RABGGTA: variants seen among roughly 807,000 people sequenced by gnomAD.
RABGGTA encodes geranylgeranyl transferase type-2 subunit alpha.
Under a neutral mutation model 83.3 loss-of-function variants are expected in RABGGTA, and 69 were observed. The ratio of observed to expected loss-of-function variants is 0.83; its 90% CI spans 0.68 to 1.01. RABGGTA has a LOEUF of 1.01. RABGGTA is among the 50% of genes least tolerant of loss of function. The probability of loss-of-function intolerance (pLI) is 0.00; values close to 1 mark genes in which losing one functional copy is unlikely to be tolerated. For synonymous variants in RABGGTA, 310 were observed against 299.8 expected, an observed-to-expected ratio of 1.03 and a Z score of -0.35; for missense variants, 681 against 712.7, an observed-to-expected ratio of 0.96 and a Z score of 0.51.
intron 10 of RABGGTA, 33 bp downstream of exon 10, chr14:24,268,481 G>A: frequency 6.2e-7 from 1 of 1,613,402 alleles, no homozygotes; most frequent in Non-Finnish European, 8.5e-7. Flanking sequence ...GATGGGGGCT[G>A]CTGCAAGGGG....
chr14:24,270,789 T>C (rs765602095), intron 3 of RABGGTA, 48 bp downstream of exon 3: 13 of 1,590,130 alleles, frequency 8.2e-6, no homozygotes, highest in Non-Finnish European at 1.1e-5. Context: ...GCCTCTGCAC[T>C]ATACTAAGGG....
Position 24,268,201 on chromosome 14 carries a change from G to A in RABGGTA, c.1059-3C>T. 1.3e-6 allele frequency: 2 copies of A among 1,593,774 alleles called. No individual in the cohort carries two copies. Among genetic ancestry groups the A allele is most frequent in the Non-Finnish European group, 1.7e-6 (2 of 1,162,130 alleles). ...ACTTCTCCACTGACAGCTCACACCT[G>A]AGGGTGGGCAGGGTGGGGAGGAGTT... On this transcript the variant is annotated splice_polypyrimidine_tract_variant and splice_region_variant and intron_variant, in intron 11 of 16. Transcript: ENST00000216840.
chr14:24,265,580 A>G lies in RABGGTA; in HGVS notation c.*35T>C, dbSNP rs781104186. ...CCTCTCCATTCTTTATTCAGTCCCA[A>G]TAAGTTAAAGGGCAAGGGTAGGGGG... On this transcript the variant is annotated 3_prime_UTR_variant, in exon 17 of 17. Transcript: ENST00000216840. The G allele has an allele frequency of 1.1e-5, 17 of 1,602,706 alleles. No individual in the cohort carries two copies. The highest frequency in any genetic ancestry group is 5.1e-5 in the Admixed American group (3 of 59,278).
chr14:24,266,117 G>A (rs1037398223), intron 16 of RABGGTA, among the ~76,000 whole-genome samples: 5 of 152,202 alleles, frequency 3.3e-5, no homozygotes, highest in South Asian at 2.1e-4. Context: ...ATTTTTAAGA[G>A]AGGAATTAGA....
chr14:24,266,549 G>A (rs904456556), intron 15 of RABGGTA, 32 bp from the exon 16 acceptor site: 5 of 1,598,414 alleles, frequency 3.1e-6, no homozygotes, highest in African/African-American at 2.7e-5. Flanking sequence ...AGGCAGGACA[G>A]GCGCTGTCAG....
intron 5 of RABGGTA, 59 bp downstream of exon 5, chr14:24,269,894 C>T (rs1446757242): frequency 1.1e-5 from 17 of 1,577,818 alleles, no homozygotes; most frequent in Non-Finnish European, 1.4e-5. Context: ...CTTACTGAGG[C>T]CCCAGTACCA....
Position 24,268,904 on chromosome 14 carries a change from GACTC to G in RABGGTA, c.798+3_798+6del, listed in dbSNP as rs1197041771. On this transcript the variant is annotated splice_donor_5th_base_variant and intron_variant, in intron 8 of 16. Transcript: ENST00000216840. The stretch of plus-strand genomic sequence containing the variant: ...ACAGTGCTCTTGACAAAAGCTGCAG[GACTC>G]ACTAAGAGGGGCCGAGAGAAGGAGA... The G allele has an allele frequency of 2.5e-6, 4 of 1,582,696 alleles. No individual in the cohort carries two copies. Among genetic ancestry groups the G allele is most frequent in the Non-Finnish European group, 3.4e-6 (4 of 1,164,212 alleles).
At chr14:24,269,319 C>T in intron 6 of RABGGTA, 156 bp from the exon 7 acceptor site, 1 of 1,046,388 alleles carries the variant, frequency 9.6e-7, no homozygotes, top group Non-Finnish European at 1.4e-6. Flanking sequence ...TTATCTTCCC[C>T]ATCAGACACT....
At chr14:24,268,854 C>T (rs1245163169) in intron 8 of RABGGTA, 28 bp from the exon 9 acceptor site, 2 of 1,565,106 alleles carry the variant, frequency 1.3e-6, no homozygotes, top group African/African-American at 1.4e-5. Context: ...GACTTCAGCC[C>T]CATCAGCACC....
chr14:24,266,351 C>A lies in RABGGTA; in HGVS notation c.1555+79G>T, dbSNP rs910745932. The A allele has an allele frequency of 3.0e-5, 40 of 1,345,192 alleles. 1 individual carries two copies. The Middle Eastern group carries it at 7.2e-4, about 24-fold the overall frequency. 83.3% of individuals were successfully genotyped at this position (1,345,192 alleles called of 1,614,324 possible). A position where few individuals can be genotyped will look rare whatever the true frequency, so the allele number is the denominator to read the frequency against. On this transcript the variant is annotated intron_variant, in intron 16 of 16. Transcript: ENST00000216840. ...CTGCCCTGCAAGAGGGTGGCACATA[C>A]CCTGCCTGCTGTCTGTCCCTTCCCA...
intron 3 of RABGGTA, 108 bp from the exon 4 acceptor site, chr14:24,270,566 C>G (rs1287758784): frequency 7.1e-7 from 1 of 1,410,968 alleles, no homozygotes; most frequent in Non-Finnish European, 9.8e-7. Context: ...CATTATACAA[C>G]AGGTACTATG....
At position 24,270,059 on chromosome 14, in the gene RABGGTA, A is replaced by G. The variant is rs911047708; in HGVS notation, c.321T>C (p.Tyr107=). Residue 107 remains tyrosine, a synonymous_variant, in exon 5 of 17, where the codon TAT becomes TAC. Coordinates refer to ENST00000216840, the MANE Select transcript of RABGGTA (RefSeq NM_182836.3). ...GCCAGCATCGGTGGTGCCAGGTACC[A>G]TAAGACTTGGGGTTCACCCGCAGGC... ...ESCLRVNPKS[Y]GTWHHRCWLL... The G allele has an allele frequency of 6.8e-6, 11 of 1,612,602 alleles. No individual in the cohort carries two copies. The highest frequency in any genetic ancestry group is 1.6e-4 in the Middle Eastern group (1 of 6,082).
At chr14:24,266,135 A>G (rs1368812181) in intron 16 of RABGGTA, among the ~76,000 whole-genome samples, 1 of 152,228 alleles carries the variant, frequency 6.6e-6, no homozygotes, top group Non-Finnish European at 1.5e-5. Context: ...AGAACTCTAG[A>G]TGTTTTTTAA....
chr14:24,268,570 G>C lies in RABGGTA; in HGVS notation c.950C>G (p.Thr317Arg), dbSNP rs776966441. Residue 317 changes from threonine (T) to arginine (R), a missense_variant, in exon 10 of 17, where the codon ACA (threonine) becomes AGA (arginine). Around this residue, in one of 5 missense-constraint regions of RABGGTA, gnomAD observed 421 missense variants for 418.5 expected, o/e 1.01. Transcript: ENST00000216840. ...GCCTGCTGTCCAAATGACGCGAAATGTATGTTGGGGCAACTGGTCGTTGAG... is the reference window on the plus strand; with the variant it reads ...GCCTGCTGTCCAAATGACGCGAAATCTATGTTGGGGCAACTGGTCGTTGAG... ...ASLNDQLPQH[T>R]FRVIWTAGDV... 6 of 1,613,930 alleles carry C rather than the reference G, an allele frequency of 3.7e-6. No homozygotes were observed. Among genetic ancestry groups the C allele is most frequent in the Admixed American group, 3.3e-5 (2 of 60,000 alleles).
In RABGGTA at chr14:24,266,906, G is replaced by C; in HGVS notation, c.1354-17C>G. 6.3e-7 allele frequency: 1 copy of C among 1,590,740 alleles called. No individual in the cohort carries two copies. The highest frequency in any genetic ancestry group is 1.7e-4 in the Middle Eastern group (1 of 5,906). ...TGTCAGATCCTGGGGGGTGAAGGGA[G>C]GAAGGAGGTGATGGGCTTCCCAGGA... On this transcript the variant is annotated splice_polypyrimidine_tract_variant and intron_variant, in intron 14 of 16. Transcript: ENST00000216840.
Position 24,269,681 on chromosome 14 carries a change from G to C in RABGGTA, c.441C>G (p.Asp147Glu). Residue 147 changes from aspartate (D) to glutamate (E), a missense_variant, in exon 6 of 17, where the codon GAC becomes GAG. Asp to Glu is a conservative substitution (Grantham distance 45). Coordinates refer to ENST00000216840, the MANE Select transcript of RABGGTA (RefSeq NM_182836.3). The stretch of plus-strand genomic sequence containing the variant: ...CCTGTGTGGCCACAAACCGCCGATA[G>C]TCCCAGCAGTGAACTGGAGGGGAGA... The part of the protein sequence containing the change: ...EVDERNFHCW[D>E]YRRFVATQAA... 6.2e-7 allele frequency: 1 copy of C among 1,613,968 alleles called. No individual in the cohort carries two copies. The highest frequency in any genetic ancestry group is 8.5e-7 in the Non-Finnish European group (1 of 1,179,852).
In RABGGTA at chr14:24,267,662, T is replaced by C; in HGVS notation, c.1351A>G (p.Lys451Glu). ...AEVRVLHLAH[K>E]DLTVLCHLEQ... Reference sequence around the variant, plus strand: ...AAGGCATGCATGGCAGCCCATACCTTGTGAGCCAGGTGCAGCACACGCACC... The same window carrying C: ...AAGGCATGCATGGCAGCCCATACCTCGTGAGCCAGGTGCAGCACACGCACC... Residue 451 changes from lysine to glutamate, a missense_variant and splice_region_variant, in exon 14 of 17, where the codon AAG (lysine) becomes GAG (glutamate). Transcript: ENST00000216840. 1.9e-6 allele frequency: 3 copies of C among 1,609,810 alleles called. No individual in the cohort carries two copies. Among genetic ancestry groups the C allele is most frequent in the South Asian group, 1.1e-5 (1 of 90,574 alleles).
At chr14:24,269,031 C>A in intron 7 of RABGGTA, 38 bp from the exon 8 acceptor site, 1 of 1,581,794 alleles carries the variant, frequency 6.3e-7, no homozygotes, top group East Asian at 2.3e-5. Context: ...TAAACCCTCT[C>A]CCATTCCTAT....
At chr14:24,266,167 CA>C (rs763483624) in intron 16 of RABGGTA, among the ~76,000 whole-genome samples, 8 of 152,144 alleles carry the variant, frequency 5.3e-5, no homozygotes, top group Non-Finnish European at 8.8e-5. Flanking sequence ...TCCTGATTTT[CA>C]AAAAACTACA....
Sources: gnomAD v4.1 joint callset for allele counts (sites outside exome capture counted in the v4.1 genomes callset) on GRCh38, gnomAD v4.1.1 for gene constraint, gnomAD v4.1.1 regional missense constraint, MANE v1.5 for transcripts, NCBI Gene and HGNC (gene_info 2026-07-23, HGNC 2026-07-21) for gene names.